CACNG1: variants seen among roughly 807,000 people sequenced by gnomAD.
The protein encoded by CACNG1 is voltage-dependent calcium channel gamma-1 subunit.
A neutral mutation model predicts 22.0 loss-of-function variants in CACNG1; 21 were observed. The observed-to-expected ratio is 0.95, with a 90% CI of 0.68 to 1.37. The LOEUF is 1.37. CACNG1 is among the 40% of genes most tolerant of loss of function. The pLI, the probability that CACNG1 is intolerant of heterozygous loss-of-function variation, is 0.00. For missense variants in CACNG1, 291 were observed against 308.6 expected (o/e 0.94, Z 0.43); for synonymous variants, 127 against 129.2 (o/e 0.98, Z 0.12).
At chr17:67,047,255 T>C (rs1334606178) in intron 1 of CACNG1, among the ~76,000 whole-genome samples, 1 of 152,106 alleles carries the variant, frequency 6.6e-6, no homozygotes, top group Non-Finnish European at 1.5e-5. Context: ...AATAATCTTC[T>C]CCATAATAGT....
rs766982478 is a variant in CACNG1, at chr17:67,053,955, G to T, written c.230-41G>T. The T allele has an allele frequency of 3.4e-6, 5 of 1,487,662 alleles. No homozygotes were observed. In the East Asian group the frequency reaches 9.0e-5, roughly 27 times the overall value. The allele number at this position is 1,487,662 out of a possible 1,614,324, so 92.2% of individuals were successfully genotyped here. ...CTGCCAGGCCTCTGTCCTTGCTACG[G>T]GTTGCTCCCCTCAACTCACAGTCTG... On this transcript the variant is annotated intron_variant, in intron 1 of 3. Coordinates refer to ENST00000226021, the MANE Select transcript of CACNG1 (RefSeq NM_000727.4).
Position 67,054,376 on chromosome 17 carries a change from C to T in CACNG1, c.304+306C>T, listed in dbSNP as rs1000348210. Among the ~76,000 whole-genome samples the T allele has an allele frequency of 5.3e-5, 8 of 152,130 alleles. No individual in the cohort carries two copies. The highest frequency in any genetic ancestry group is 2.9e-5 in the Non-Finnish European group (2 of 68,022). ...GGGAGGTGTGGATGTGGAACAAATG[C>T]TCAGAAGCCCCGTGGTGGCTCTTGG... On this transcript the variant is annotated intron_variant, in intron 2 of 3. Coordinates refer to ENST00000226021, the MANE Select transcript of CACNG1 (RefSeq NM_000727.4). The surrounding 1 kb of genome is among the most constrained non-coding windows in gnomAD (Gnocchi z 4.6).
chr17:67,048,313 A>C (rs1189103130), intron 1 of CACNG1, among the ~76,000 whole-genome samples: 1 of 83,926 alleles, frequency 1.2e-5, no homozygotes, highest in Non-Finnish European at 2.3e-5. Flanking sequence ...CCTACCAAAA[A>C]AAAAAAAAAA....
Position 67,044,930 on chromosome 17 carries a change from C to A in CACNG1, c.229+41C>A. The A allele has an allele frequency of 6.6e-7, 1 of 1,515,512 alleles. No individual in the cohort carries two copies. The highest frequency in any genetic ancestry group is 1.2e-5 in the South Asian group (1 of 86,418). The allele number at this position is 1,515,512 out of a possible 1,614,324, so 93.9% of individuals were successfully genotyped here. On this transcript the variant is annotated intron_variant, in intron 1 of 3. Transcript: ENST00000226021. The surrounding 1 kb of genome is among the most constrained non-coding windows in gnomAD (Gnocchi z 6.9). ...TCCGTCCCGATCCCCACCTCCTGCTCTTCCCCGTCATCCCCCTGGCAAAGT... is the reference window on the plus strand; with the variant it reads ...TCCGTCCCGATCCCCACCTCCTGCTATTCCCCGTCATCCCCCTGGCAAAGT...
At position 67,054,114 on chromosome 17, in the gene CACNG1, T is replaced by TC. The variant is rs760059878; in HGVS notation, c.304+45dup. 15 of 1,491,542 alleles carry TC rather than the reference T, an allele frequency of 1.0e-5. No individual in the cohort carries two copies. The African/African-American group carries it at 2.1e-4, about 21-fold the overall frequency. 92.4% of individuals were successfully genotyped at this position (1,491,542 alleles called of 1,614,324 possible). On this transcript the variant is annotated intron_variant, in intron 2 of 3. Transcript: ENST00000226021. The surrounding 1 kb of genome is among the most constrained non-coding windows in gnomAD (Gnocchi z 4.6). ...GGGTCTGGGGTGACAAGAGGGGACTTCTGTGTTGTGCACCACTGGGCCAGA... is the reference window on the plus strand; with the variant it reads ...GGGTCTGGGGTGACAAGAGGGGACTTCCTGTGTTGTGCACCACTGGGCCAGA...
At chr17:67,053,601 G>A (rs2035740609) in intron 1 of CACNG1, among the ~76,000 whole-genome samples, 2 of 152,210 alleles carry the variant, frequency 1.3e-5, no homozygotes, top group African/African-American at 4.8e-5. Flanking sequence ...ATCGCCAAGT[G>A]TCCCCTGGGG....
At chr17:67,053,232 T>C (rs1480932996) in intron 1 of CACNG1, among the ~76,000 whole-genome samples, 2 of 152,194 alleles carry the variant, frequency 1.3e-5, no homozygotes, top group African/African-American at 4.8e-5. Context: ...AGGGGTTCCA[T>C]CTGCATCCAG....
At chr17:67,050,436 G>A (rs2035721905) in intron 1 of CACNG1, among the ~76,000 whole-genome samples, 1 of 152,244 alleles carries the variant, frequency 6.6e-6, no homozygotes, top group Non-Finnish European at 1.5e-5. Context: ...GTTGGGAGCT[G>A]ATAGAACTTC....
rs547754302 is a variant in CACNG1, at chr17:67,044,748, G to A, written c.88G>A (p.Asp30Asn). 102 of 1,612,850 alleles carry A rather than the reference G, an allele frequency of 6.3e-5. No homozygotes were observed. The highest frequency in any genetic ancestry group is 1.1e-4 in the East Asian group (5 of 44,882). ...GCTGGCCATGACAGCCGTGGTAACCGACCACTGGGCTGTGCTGAGCCCCCA... is the reference window on the plus strand; with the variant it reads ...GCTGGCCATGACAGCCGTGGTAACCAACCACTGGGCTGTGCTGAGCCCCCA... ...IVLAMTAVVTDHWAVLSPHME... is the reference protein window; with the variant it reads ...IVLAMTAVVTNHWAVLSPHME... Residue 30 changes from aspartate to asparagine, a missense_variant, in exon 1 of 4, where the codon GAC becomes AAC. Physicochemically the swap from Asp to Asn is conservative, Grantham distance 23 (BLOSUM62 1). Transcript: ENST00000226021. This position sits in a 1 kb window ranked among gnomAD's most constrained non-coding sequence, Gnocchi z 6.9.
In CACNG1 at chr17:67,051,732, G is replaced by A. The variant is rs113546458; in HGVS notation, c.230-2264G>A. 9.6e-3 allele frequency among the ~76,000 whole-genome samples: 1,457 copies of A among 152,350 alleles called. 25 individuals are homozygous for A. Among genetic ancestry groups the A allele is most frequent in the African/African-American group, 0.033 (1,365 of 41,566 alleles). ...AGACACGTAGCCTACCCCTGTGTCT[G>A]AGTTAAGATCATTTCTATCCAAGCA... On this transcript the variant is annotated intron_variant, in intron 1 of 3. Coordinates refer to ENST00000226021, the MANE Select transcript of CACNG1 (RefSeq NM_000727.4).
chr17:67,051,660 C>A (rs972953605), intron 1 of CACNG1, among the ~76,000 whole-genome samples: 2 of 152,194 alleles, frequency 1.3e-5, no homozygotes, highest in Non-Finnish European at 2.9e-5. Flanking sequence ...GTACCTGGAC[C>A]ACCAAAAGAA....
chr17:67,047,080 G>A lies in CACNG1; in HGVS notation c.229+2191G>A, dbSNP rs560034421. ...TGCTCCCTGGGACCACTCTTCTCTG[G>A]AGGGAGGAAGTGGGTTCATATGTGG... On this transcript the variant is annotated intron_variant, in intron 1 of 3. Transcript: ENST00000226021. Among the ~76,000 whole-genome samples the A allele has an allele frequency of 9.2e-5, 14 of 152,202 alleles. No homozygotes were observed. The East Asian group carries it at 2.7e-3, about 29-fold the overall frequency.
chr17:67,049,244 G>A (rs969561961), intron 1 of CACNG1, among the ~76,000 whole-genome samples: 1 of 152,202 alleles, frequency 6.6e-6, no homozygotes, highest in African/African-American at 2.4e-5. Context: ...ATGGAGGCCA[G>A]AAGGTGGTGG....
At position 67,044,785 on chromosome 17, in the gene CACNG1, A is replaced by G. The variant is rs200630535; in HGVS notation, c.125A>G (p.His42Arg). ...GTGCTGAGCCCCCACATGGAGCACC[A>G]CAACACTACCTGCGAGGCGGCCCAC... The part of the protein sequence containing the change: ...WAVLSPHMEH[H>R]NTTCEAAHFG... The change falls in exon 1 of 4, where the codon CAC becomes CGC. Residue 42 changes from histidine (H) to arginine (R), a missense_variant. Transcript: ENST00000226021. This position sits in a 1 kb window ranked among gnomAD's most constrained non-coding sequence, Gnocchi z 6.9. 17 of 1,613,392 alleles carry G rather than the reference A, an allele frequency of 1.1e-5. No homozygotes were observed. Among genetic ancestry groups the G allele is most frequent in the Non-Finnish European group, 3.4e-6 (4 of 1,180,020 alleles).
chr17:67,052,244 A>C (rs1296689053), intron 1 of CACNG1, among the ~76,000 whole-genome samples: 1 of 152,212 alleles, frequency 6.6e-6, no homozygotes, highest in Non-Finnish European at 1.5e-5. Context: ...GCGGTTCAAA[A>C]GGAAAGTGAT....
In CACNG1 at chr17:67,055,350, G is replaced by A; in HGVS notation, c.442+110G>A. The A allele has an allele frequency of 1.5e-6, 2 of 1,312,426 alleles. No individual in the cohort carries two copies. The highest frequency in any genetic ancestry group is 2.1e-6 in the Non-Finnish European group (2 of 964,780). 81.3% of individuals were successfully genotyped at this position (1,312,426 alleles called of 1,614,324 possible). On this transcript the variant is annotated intron_variant, in intron 3 of 3. Transcript: ENST00000226021. The surrounding 1 kb of genome is among the most constrained non-coding windows in gnomAD (Gnocchi z 4.5). ...GATTTGGGTGAGGGGCATTTCCCAG[G>A]CTCCATCCCCATCCAGGGGCAAACC...
chr17:67,052,204 C>T (rs762235735), intron 1 of CACNG1, among the ~76,000 whole-genome samples: 3 of 152,186 alleles, frequency 2.0e-5, no homozygotes, highest in African/African-American at 7.2e-5. Context: ...ATTCTGACAT[C>T]ACCACCAGCA....
At chr17:67,045,524 C>CTTTTT (rs71367200) in intron 1 of CACNG1, among the ~76,000 whole-genome samples, 72 of 109,676 alleles carry the variant, frequency 6.6e-4, no homozygotes, top group African/African-American at 2.5e-3. Flanking sequence ...CCCCCACCTT[C>CTTTTT]TTTTTTTTTT....
chr17:67,044,920 A>C lies in CACNG1; in HGVS notation c.229+31A>C. On this transcript the variant is annotated intron_variant, in intron 1 of 3. Coordinates refer to ENST00000226021, the MANE Select transcript of CACNG1 (RefSeq NM_000727.4). This position sits in a 1 kb window ranked among gnomAD's most constrained non-coding sequence, Gnocchi z 6.9. ...GTACCCACCCTCCGTCCCGATCCCCACCTCCTGCTCTTCCCCGTCATCCCC... is the reference window on the plus strand; with the variant it reads ...GTACCCACCCTCCGTCCCGATCCCCCCCTCCTGCTCTTCCCCGTCATCCCC... 1.3e-6 allele frequency: 2 copies of C among 1,546,204 alleles called. No individual in the cohort carries two copies. The highest frequency in any genetic ancestry group is 8.9e-7 in the Non-Finnish European group (1 of 1,128,718).
Sources: allele counts gnomAD v4.1 joint callset (sites outside exome capture counted in the v4.1 genomes callset), GRCh38; gene constraint gnomAD v4.1.1; non-coding constraint Gnocchi (gnomAD v3.1); transcripts MANE v1.5; gene names NCBI Gene and HGNC (gene_info 2026-07-23, HGNC 2026-07-21).